Variants in MACROD2 observed in about 807,000 individuals in gnomAD.
MACROD2 encodes mono-ADP ribosylhydrolase 2, also known as ADP-ribose glycohydrolase MACROD2.
Under a neutral mutation model 70.4 loss-of-function variants are expected in MACROD2, and 36 were observed. The observed-to-expected ratio is 0.51, with a 90% confidence interval of 0.39 to 0.68. The LOEUF is 0.68. Ranked by LOEUF, MACROD2 falls within the 30% of genes least tolerant of loss-of-function variation. The pLI, the probability that MACROD2 is intolerant of heterozygous loss-of-function variation, is 0.00. For synonymous variants in MACROD2, 172 were observed against 178.8 expected, an observed-to-expected ratio of 0.96 and a Z score of 0.30; for missense variants, 496 against 538.4, an observed-to-expected ratio of 0.92 and a Z score of 0.78.
At chr20:15,952,710 C>T (rs1432321699) in intron 12 of MACROD2, among the ~76,000 whole-genome samples, 1 of 152,144 alleles carries the variant, frequency 6.6e-6, no homozygotes, top group African/African-American at 2.4e-5. Flanking sequence ...ACAGAGCACA[C>T]CAGACTTTAG....
chr20:14,931,705 A>G (rs1234857782), intron 5 of MACROD2, among the ~76,000 whole-genome samples: 1 of 151,432 alleles, frequency 6.6e-6, no homozygotes, highest in Non-Finnish European at 1.5e-5. Flanking sequence ...TAAAAAAACA[A>G]AGGGTCAGTC....
At chr20:14,448,813 T>C (rs2084213670) in intron 3 of MACROD2, among the ~76,000 whole-genome samples, 1 of 152,156 alleles carries the variant, frequency 6.6e-6, no homozygotes, top group South Asian at 2.1e-4. Flanking sequence ...AATGTATTGC[T>C]CCTCAGCAAA....
At chr20:15,515,964 A>G (rs1415180098) in intron 8 of MACROD2, among the ~76,000 whole-genome samples, 4 of 152,166 alleles carry the variant, frequency 2.6e-5, no homozygotes, top group Non-Finnish European at 5.9e-5. Context: ...GGAGACAGTC[A>G]AGACTTCAGA....
chr20:15,283,965 G>A (rs886204836), intron 6 of MACROD2, among the ~76,000 whole-genome samples: 1 of 151,954 alleles, frequency 6.6e-6, no homozygotes, highest in Non-Finnish European at 1.5e-5. Flanking sequence ...GGATTATTCT[G>A]AAGCAATTCT....
At chr20:15,765,666 A>G (rs1013957109) in intron 8 of MACROD2, among the ~76,000 whole-genome samples, 1 of 152,228 alleles carries the variant, frequency 6.6e-6, no homozygotes, top group African/African-American at 2.4e-5. Context: ...TAAAAAGTTA[A>G]TGAGATCCTG....
At chr20:14,530,045 G>A (rs1220725613) in intron 4 of MACROD2, among the ~76,000 whole-genome samples, 7 of 152,288 alleles carry the variant, frequency 4.6e-5, no homozygotes, top group Admixed American at 2.0e-4. Context: ...CTGGGTGACC[G>A]AAGCTCATTG....
At chr20:14,545,759 C>CTGA (rs1396876468) in intron 4 of MACROD2, among the ~76,000 whole-genome samples, 1 of 152,004 alleles carries the variant, frequency 6.6e-6, no homozygotes. Context: ...GATAAGGTAC[C>CTGA]TCATTTAGAA....
intron 3 of MACROD2, among the ~76,000 whole-genome samples, chr20:14,216,497 T>C (rs1218060794): frequency 1.3e-5 from 2 of 152,204 alleles, no homozygotes; most frequent in African/African-American, 4.8e-5. Flanking sequence ...GGCTCTTTTT[T>C]GGTTTCATAA....
chr20:15,937,416 G>C (rs2147330812), intron 11 of MACROD2, 60 bp from the exon 12 acceptor site: 1 of 1,531,366 alleles, frequency 6.5e-7, no homozygotes, highest in East Asian at 2.3e-5. Context: ...GGGCAGGAAA[G>C]CCACAGCTGG....
chr20:14,727,245 C>T (rs2071540812), intron 5 of MACROD2, among the ~76,000 whole-genome samples: 1 of 152,086 alleles, frequency 6.6e-6, no homozygotes, highest in Non-Finnish European at 1.5e-5. Flanking sequence ...AGATATTCTC[C>T]AAGAAATACA....
Position 14,440,747 on chromosome 20 carries a change from C to T in MACROD2, c.272-52732C>T, listed in dbSNP as rs568591039. Among the ~76,000 whole-genome samples the T allele has an allele frequency of 3.3e-5, 5 of 152,208 alleles. No homozygotes were observed. In the East Asian group the frequency reaches 9.6e-4, roughly 29 times the overall value. ...TGAATTTATGGCAGTTATTGCTAAG[C>T]CTCAGGGGGCATTAATACCATGGGA... On this transcript the variant is annotated intron_variant, in intron 3 of 17. Transcript: ENST00000684519.
At chr20:15,443,990 C>T (rs2046529498) in intron 7 of MACROD2, among the ~76,000 whole-genome samples, 1 of 152,280 alleles carries the variant, frequency 6.6e-6, no homozygotes, top group African/African-American at 2.4e-5. Flanking sequence ...TTTTATTAAA[C>T]TGTAATTCAC....
intron 5 of MACROD2, among the ~76,000 whole-genome samples, chr20:14,836,314 C>A (rs2073029825): frequency 6.6e-6 from 1 of 152,030 alleles, no homozygotes; most frequent in Non-Finnish European, 1.5e-5. Flanking sequence ...TGTATTGAAG[C>A]ATCTTTAGTG....
At chr20:14,378,979 C>T (rs1364815703) in intron 3 of MACROD2, among the ~76,000 whole-genome samples, 1 of 152,110 alleles carries the variant, frequency 6.6e-6, no homozygotes, top group African/African-American at 2.4e-5. Context: ...TGGGATGATT[C>T]CTCCAAATCT....
At chr20:15,180,769 G>A (rs2076494819) in intron 5 of MACROD2, among the ~76,000 whole-genome samples, 1 of 152,208 alleles carries the variant, frequency 6.6e-6, no homozygotes, top group South Asian at 2.1e-4. Flanking sequence ...GGGATTACAG[G>A]CGTGAGCCAC....
intron 3 of MACROD2, among the ~76,000 whole-genome samples, chr20:14,175,081 C>T (rs1364739475): frequency 6.6e-6 from 1 of 152,170 alleles, no homozygotes; most frequent in Non-Finnish European, 1.5e-5. Context: ...CAAAGGGTCT[C>T]TGGATTCTCT....
intron 6 of MACROD2, among the ~76,000 whole-genome samples, chr20:15,406,065 G>A (rs2146316244): frequency 6.6e-6 from 1 of 152,242 alleles, no homozygotes; most frequent in East Asian, 1.9e-4. Context: ...CTTCCGAGAG[G>A]AGAGGTTTTT....
At chr20:14,766,259 G>A (rs922561665) in intron 5 of MACROD2, among the ~76,000 whole-genome samples, 1 of 152,046 alleles carries the variant, frequency 6.6e-6, no homozygotes, top group Non-Finnish European at 1.5e-5. Flanking sequence ...CATCGCCCAT[G>A]CTATACTTCC....
At chr20:15,227,516 G>A (rs183147075) in intron 5 of MACROD2, among the ~76,000 whole-genome samples, 32 of 152,182 alleles carry the variant, frequency 2.1e-4, no homozygotes, top group Admixed American at 9.2e-4. Context: ...GTCATGTCCC[G>A]TTGTTCTTTC....
Sources: gnomAD v4.1 joint callset for allele counts (sites outside exome capture counted in the v4.1 genomes callset) on GRCh38, gnomAD v4.1.1 for gene constraint, MANE v1.5 for transcripts, NCBI Gene and HGNC (gene_info 2026-07-23, HGNC 2026-07-21) for gene names.